The following C2CD3 variants were observed in gnomAD, a reference collection of about 807,000 sequenced individuals.
The protein encoded by C2CD3 is C2 domain-containing protein 3.
Under a neutral mutation model 234.0 loss-of-function variants are expected in C2CD3, and 148 were observed. The ratio of observed to expected loss-of-function variants is 0.63; its 90% CI spans 0.55 to 0.72. The LOEUF is 0.72. Among genes scored for constraint, C2CD3 ranks in the 30% least tolerant of loss-of-function variants. C2CD3 has a pLI of 0.00. For synonymous variants in C2CD3, 1,000 were observed against 1,035.4 expected, an observed-to-expected ratio of 0.97 and a Z score of 0.66; for missense variants, 2,577 against 2,811.5, an observed-to-expected ratio of 0.92 and a Z score of 1.89.
intron 3 of C2CD3, among the ~76,000 whole-genome samples, chr11:74,153,210 A>AC (rs1555065111): frequency 1.4e-5 from 2 of 148,026 alleles, no homozygotes; most frequent in East Asian, 4.0e-4. Context: ...TCTGTCTCTT[A>AC]AAAACAAAAC....
At chr11:74,019,513 A>G (rs1952003151) in intron 32 of C2CD3, among the ~76,000 whole-genome samples, 1 of 152,240 alleles carries the variant, frequency 6.6e-6, no homozygotes, top group Non-Finnish European at 1.5e-5. Flanking sequence ...CAAGAGGGGC[A>G]GCTCAGCCGT....
At chr11:74,161,698 A>C (rs1254298228) in intron 2 of C2CD3, 142 bp from the exon 3 acceptor site, 1 of 449,438 alleles carries the variant, frequency 2.2e-6, no homozygotes, top group Admixed American at 4.1e-5. Context: ...TGCATTGGTG[A>C]AAGTGAGGGG....
chr11:74,057,671 G>A, intron 24 of C2CD3, 127 bp from the exon 25 acceptor site: 1 of 974,556 alleles, frequency 1.0e-6, no homozygotes, highest in South Asian at 1.6e-5. Flanking sequence ...CTATCCCCCT[G>A]TGTCTGAAAT....
chr11:74,041,990 G>A (rs1953084531), intron 29 of C2CD3, 64 bp downstream of exon 29: 4 of 1,518,272 alleles, frequency 2.6e-6, no homozygotes, highest in Non-Finnish European at 3.6e-6. Context: ...AATGCACATT[G>A]CCATTTCTCA....
chr11:74,045,611 G>C (rs1953333024), intron 28 of C2CD3, among the ~76,000 whole-genome samples: 1 of 149,970 alleles, frequency 6.7e-6, no homozygotes, highest in African/African-American at 2.5e-5. Flanking sequence ...TTACTCTGTT[G>C]CCTAGGCTGG....
intron 31 of C2CD3, among the ~76,000 whole-genome samples, chr11:74,030,083 G>A (rs1277451735): frequency 6.6e-6 from 1 of 152,150 alleles, no homozygotes; most frequent in South Asian, 2.1e-4. Context: ...CTGTTCCTCA[G>A]TTCATAAAAA....
chr11:74,111,959 CACACACACACATAT>C (rs1315103511), intron 11 of C2CD3, among the ~76,000 whole-genome samples: 7 of 134,856 alleles, frequency 5.2e-5, no homozygotes, highest in South Asian at 2.2e-4. Flanking sequence ...CACACACACA[CACACACACACATAT>C]ATATATACAC....
chr11:74,135,484 C>T (rs773685369), intron 5 of C2CD3, among the ~76,000 whole-genome samples: 20 of 152,098 alleles, frequency 1.3e-4, no homozygotes, highest in Admixed American at 1.0e-3. Context: ...TCTTGGTAGG[C>T]AGAATCTAAT....
chr11:74,088,061 G>A (rs1955721777), intron 20 of C2CD3, among the ~76,000 whole-genome samples: 1 of 152,174 alleles, frequency 6.6e-6, no homozygotes, highest in East Asian at 1.9e-4. Context: ...AAGGATTCAA[G>A]AGGGGTAAGT....
rs545757349 is a variant in C2CD3 at position 74,048,332 on chromosome 11, T to C, written c.5368A>G (p.Ile1790Val). ...GVETSKSLIP[I>V]YSPFSFPASD... ...GCAGGGAAGGAAAAGGGACTGTATA[T>C]TGGGATCTGTAAACACAACAAGAAA... Residue 1790 changes from isoleucine to valine, a missense_variant, in exon 28 of 33, where the codon ATA (isoleucine) becomes GTA (valine). By Grantham distance (29) the Ile-to-Val change is conservative (BLOSUM62 3). Transcript: ENST00000334126. 3 of 1,613,556 alleles carry C rather than the reference T, an allele frequency of 1.9e-6. No individual in the cohort carries two copies. Among genetic ancestry groups the C allele is most frequent in the African/African-American group, 1.3e-5 (1 of 75,016 alleles).
chr11:74,027,366 C>T (rs1414752256), intron 32 of C2CD3, among the ~76,000 whole-genome samples: 1 of 152,168 alleles, frequency 6.6e-6, no homozygotes, highest in Admixed American at 6.5e-5. Context: ...CCTTGTCCTC[C>T]CAAAGTGCTG....
At chr11:74,106,660 CT>C (rs1454784136) in intron 12 of C2CD3, among the ~76,000 whole-genome samples, 167 bp from the exon 13 acceptor site, 2 of 152,184 alleles carry the variant, frequency 1.3e-5, no homozygotes, top group African/African-American at 4.8e-5. Context: ...TTTGGTCTCT[CT>C]TCTGGCTTTT....
intron 29 of C2CD3, among the ~76,000 whole-genome samples, chr11:74,040,964 A>T (rs1214355639): frequency 1.2e-4 from 16 of 133,830 alleles, no homozygotes; most frequent in Non-Finnish European, 2.4e-4. Context: ...TTTTCCTTAA[A>T]TTTTTTTTTT....
chr11:74,163,311 G>A (rs753499089), intron 2 of C2CD3, among the ~76,000 whole-genome samples: 9 of 152,206 alleles, frequency 5.9e-5, no homozygotes, highest in Non-Finnish European at 1.3e-4. Context: ...CACTAGTACA[G>A]TCCAGTGTCT....
At chr11:74,153,371 T>C (rs1195339162) in intron 3 of C2CD3, among the ~76,000 whole-genome samples, 5 of 152,040 alleles carry the variant, frequency 3.3e-5, no homozygotes, top group African/African-American at 1.2e-4. Context: ...AAAATAGAAA[T>C]AAAAGGCATA....
intron 31 of C2CD3, among the ~76,000 whole-genome samples, chr11:74,032,275 G>A (rs1006918781): frequency 5.9e-5 from 9 of 152,186 alleles, no homozygotes; most frequent in Non-Finnish European, 1.3e-4. Flanking sequence ...CAGGCTCCCT[G>A]ACTTCTAGTA....
At position 74,057,530 on chromosome 11, in the gene C2CD3, C is replaced by T. The variant is rs1179427319; in HGVS notation, c.4966G>A (p.Glu1656Lys). ...HLSLKGSPLTERKVSIPSCCV... is the reference protein window; with the variant it reads ...HLSLKGSPLTKRKVSIPSCCV... ...CAACTGGGTATCGATACTTTCCGCT[C>T]TGTCAAGGGGCTCCCTGAAATAGAA... The change falls in exon 25 of 33, where the codon GAG (glutamate) becomes AAG (lysine). Residue 1656 changes from glutamate to lysine, a missense_variant. Transcript: ENST00000334126. 2 of 1,614,034 alleles carry T rather than the reference C, an allele frequency of 1.2e-6. No individual in the cohort carries two copies. The highest frequency in any genetic ancestry group is 1.7e-6 in the Non-Finnish European group (2 of 1,180,014).
intron 2 of C2CD3, among the ~76,000 whole-genome samples, chr11:74,166,603 T>C (rs1856830493): frequency 6.6e-6 from 1 of 152,220 alleles, no homozygotes; most frequent in Non-Finnish European, 1.5e-5. Context: ...CCTTATTAAC[T>C]TCCTAGAATA....
chr11:74,070,067 CTGAGTA>C (rs1052803017), intron 24 of C2CD3, among the ~76,000 whole-genome samples: 22 of 152,196 alleles, frequency 1.4e-4, no homozygotes, highest in Non-Finnish European at 2.4e-4. Flanking sequence ...TTACTTTTTA[CTGAGTA>C]TAACTTATGC....
Sources: gnomAD v4.1 joint callset for allele counts (sites outside exome capture counted in the v4.1 genomes callset) on GRCh38, gnomAD v4.1.1 for gene constraint, MANE v1.5 for transcripts, NCBI Gene and HGNC (gene_info 2026-07-23, HGNC 2026-07-21) for gene names.